The following GPR132 variants were observed in gnomAD, a reference collection of about 807,000 sequenced individuals.
GPR132 encodes the protein G protein-coupled receptor 132.
A neutral mutation model predicts 1.9 loss-of-function variants in GPR132; 4 were observed. That is an observed-to-expected ratio of 2.13 (90% confidence interval 1.05 to 4.87). The LOEUF is 4.87. GPR132 is among the 30% of genes most tolerant of loss of function. The pLI is 0.01. For synonymous variants in GPR132, 233 were observed against 234.2 expected, an observed-to-expected ratio of 0.99 and a Z score of 0.05; for missense variants, 404 against 512.5, an observed-to-expected ratio of 0.79 and a Z score of 2.04.
chr14:105,061,317 A>C (rs1380600614), intron 1 of GPR132, among the ~76,000 whole-genome samples: 2 of 152,240 alleles, frequency 1.3e-5, no homozygotes, highest in Non-Finnish European at 2.9e-5. Flanking sequence ...CCACAGCCTC[A>C]GGCAGCCCAC....
chr14:105,053,808 A>T, intron 3 of GPR132: 1 of 467,848 alleles, frequency 2.1e-6, no homozygotes, highest in Non-Finnish European at 2.9e-6. Flanking sequence ...GAAGGTTGCT[A>T]ACTAGCTGAC....
rs978952700 is a variant in GPR132, at chr14:105,056,764, C to A, written c.-747+403G>T. 3.5e-4 allele frequency among the ~76,000 whole-genome samples: 54 copies of A among 152,374 alleles called. No homozygotes were observed. Among genetic ancestry groups the A allele is most frequent in the African/African-American group, 1.2e-3 (48 of 41,594 alleles). ...TCCCCCGCCTCCTGCCACAAGTGAC[C>A]TCCTGGGAAGAGAGCCTTCCTGGTG... On this transcript the variant is annotated intron_variant, in intron 2 of 3. Transcript: ENST00000329797. The surrounding 1 kb of genome is among the most constrained non-coding windows in gnomAD (Gnocchi z 6.0).
rs1388106081 is a variant in GPR132, at chr14:105,059,208, T to C, written c.-860-1928A>G. Among the ~76,000 whole-genome samples, 2 of 152,188 alleles carry C rather than the reference T, an allele frequency of 1.3e-5. No homozygotes were observed. Among genetic ancestry groups the C allele is most frequent in the South Asian group, 2.1e-4 (1 of 4,828 alleles). On this transcript the variant is annotated intron_variant, in intron 1 of 3. Coordinates refer to ENST00000329797, the MANE Select transcript of GPR132 (RefSeq NM_013345.4). The surrounding 1 kb of genome is among the most constrained non-coding windows in gnomAD (Gnocchi z 4.2). Reference sequence around the variant, plus strand: ...CCCCTTTGGGCCCGAGGCCTGTATGTTGAGAGGCTGGCCAGGGGCACTCCC... The same window carrying C: ...CCCCTTTGGGCCCGAGGCCTGTATGCTGAGAGGCTGGCCAGGGGCACTCCC...
rs1480915274 is a variant in GPR132, at chr14:105,059,461, G to C, written c.-860-2181C>G. On this transcript the variant is annotated intron_variant, in intron 1 of 3. Coordinates refer to ENST00000329797, the MANE Select transcript of GPR132 (RefSeq NM_013345.4). The surrounding 1 kb of genome is among the most constrained non-coding windows in gnomAD (Gnocchi z 4.2). ...GGAACTGCTCAGCGCCGATCTGCCT[G>C]GCGTTCTATTCAGTCATCCCTCTGC... Among the ~76,000 whole-genome samples the C allele has an allele frequency of 1.3e-5, 2 of 152,144 alleles. No homozygotes were observed. Among genetic ancestry groups the C allele is most frequent in the African/African-American group, 4.8e-5 (2 of 41,412 alleles).
Position 105,051,897 on chromosome 14 carries a change from G to A in GPR132, c.240C>T (p.Tyr80=), listed in dbSNP as rs1886656884. The change falls in exon 4 of 4, where the codon TAC becomes TAT. Residue 80 remains tyrosine (Y), a synonymous_variant. Coordinates refer to ENST00000329797, the MANE Select transcript of GPR132 (RefSeq NM_013345.4). This position sits in a 1 kb window ranked among gnomAD's most constrained non-coding sequence, Gnocchi z 8.0. ...QVLQGNVLAV[Y]LLCLALCELL... ...GCTCGCAGAGTGCCAGGCAGAGCAG[G>A]TAGACGGCCAGCACGTTGCCCTGCA... 1.2e-6 allele frequency: 2 copies of A among 1,613,662 alleles called. No individual in the cohort carries two copies. Among genetic ancestry groups the A allele is most frequent in the South Asian group, 1.1e-5 (1 of 91,086 alleles).
intron 3 of GPR132, among the ~76,000 whole-genome samples, chr14:105,052,546 C>G (rs1051103996): frequency 2.0e-5 from 3 of 151,106 alleles, no homozygotes; most frequent in Non-Finnish European, 4.4e-5. Flanking sequence ...AGGCTGGTCT[C>G]GAATTCCTGA....
At chr14:105,062,540 C>CTTTTCT (rs1886972421) in intron 1 of GPR132, among the ~76,000 whole-genome samples, 2 of 128,684 alleles carry the variant, frequency 1.6e-5, no homozygotes, top group African/African-American at 5.9e-5. Flanking sequence ...CTTTTCTTTT[C>CTTTTCT]TTTTTTTTTT....
rs761285529 is a variant in GPR132, at chr14:105,055,384, T to C, written c.34+3A>G. ...GGCAAAATACACATAACAAGGAATT[T>C]ACCATTGTAACCGTTTTTCAGTAGC... On this transcript the variant is annotated splice_donor_region_variant and intron_variant, in intron 3 of 3. Transcript: ENST00000329797. This position sits in a 1 kb window ranked among gnomAD's most constrained non-coding sequence, Gnocchi z 4.7. 18 of 781,054 alleles carry C rather than the reference T, an allele frequency of 2.3e-5. No individual in the cohort carries two copies. The highest frequency in any genetic ancestry group is 6.8e-5 in the Admixed American group (4 of 59,030). The allele number at this position is 781,054 out of a possible 1,614,324, so 48.4% of individuals were successfully genotyped here. A position where few individuals can be genotyped will look rare whatever the true frequency, so the allele number is the denominator to read the frequency against.
chr14:105,055,314 G>A lies in GPR132; in HGVS notation c.34+73C>T, dbSNP rs1886760752. On this transcript the variant is annotated intron_variant, in intron 3 of 3. Coordinates refer to ENST00000329797, the MANE Select transcript of GPR132 (RefSeq NM_013345.4). This position sits in a 1 kb window ranked among gnomAD's most constrained non-coding sequence, Gnocchi z 4.7. ...TGCACTCCAGCCTGGGCGATAGAGT[G>A]AGACTCAATCGCAAGAAAAAAAAAT... 1.3e-6 allele frequency: 1 copy of A among 779,816 alleles called. No homozygotes were observed. The highest frequency in any genetic ancestry group is 1.7e-5 in the African/African-American group (1 of 59,236). The allele number at this position is 779,816 out of a possible 1,614,324, so 48.3% of individuals were successfully genotyped here. A position where few individuals can be genotyped will look rare whatever the true frequency, so the allele number is the denominator to read the frequency against.
At chr14:105,057,511 CTTTTTTTT>C (rs11299805) in intron 1 of GPR132, 12 of 88,856 alleles carry the variant, frequency 1.4e-4, no homozygotes, top group East Asian at 6.2e-4. Flanking sequence ...ACATACGATT[CTTTTTTTT>C]TTTTTTTTTT....
At chr14:105,061,077 C>A (rs1010984810) in intron 1 of GPR132, among the ~76,000 whole-genome samples, 1 of 152,266 alleles carries the variant, frequency 6.6e-6, no homozygotes, top group East Asian at 1.9e-4. Context: ...CACAGCCTGG[C>A]GAGGATGCCT....
Position 105,051,709 on chromosome 14 carries a change from G to A in GPR132, c.428C>T (p.Ala143Val), listed in dbSNP as rs1886649908. The change falls in exon 4 of 4, where the codon GCC becomes GTC. Residue 143 changes from alanine to valine, a missense_variant. Coordinates refer to ENST00000329797, the MANE Select transcript of GPR132 (RefSeq NM_013345.4). The surrounding 1 kb of genome is among the most constrained non-coding windows in gnomAD (Gnocchi z 8.0). ...CCGACTCTCCAGCGCGTACACCACG[G>A]CCACGAAGCGGTCGCAGGAGATGCA... ...LCCISCDRFV[A>V]VVYALESRGR... 1 of 1,613,922 alleles carries A rather than the reference G, an allele frequency of 6.2e-7. No individual in the cohort carries two copies. The highest frequency in any genetic ancestry group is 1.1e-5 in the South Asian group (1 of 91,088).
chr14:105,065,331 CCTGGCCCCCCAGGCCCA>C (rs1398514858), intron 1 of GPR132, 31 bp downstream of exon 1: 1 of 152,364 alleles, frequency 6.6e-6, no homozygotes, highest in Non-Finnish European at 1.5e-5. Context: ...CATCCCAGAG[CCTGGCCCCCCAGGCCCA>C]CTCCCCAGCA....
chr14:105,051,716 A>G lies in GPR132; in HGVS notation c.421T>C (p.Phe141Leu). 1 of 1,613,972 alleles carries G rather than the reference A, an allele frequency of 6.2e-7. No homozygotes were observed. ...LFLCCISCDR[F>L]VAVVYALESR... is the part of the protein sequence containing the mutation. ...TCCAGCGCGTACACCACGGCCACGA[A>G]GCGGTCGCAGGAGATGCAGCACAGG... Residue 141 changes from phenylalanine to leucine, a missense_variant, in exon 4 of 4, where the codon TTC becomes CTC. Coordinates refer to ENST00000329797, the MANE Select transcript of GPR132 (RefSeq NM_013345.4). The surrounding 1 kb of genome is among the most constrained non-coding windows in gnomAD (Gnocchi z 8.0).
In GPR132 at chr14:105,051,444, G is replaced by T; in HGVS notation, c.693C>A (p.Gly231=). 1 of 1,614,112 alleles carries T rather than the reference G, an allele frequency of 6.2e-7. No homozygotes were observed. Among genetic ancestry groups the T allele is most frequent in the Non-Finnish European group, 8.5e-7 (1 of 1,180,026 alleles). Residue 231 remains glycine (G), a synonymous_variant, in exon 4 of 4, where the codon GGC becomes GGA. Transcript: ENST00000329797. This position sits in a 1 kb window ranked among gnomAD's most constrained non-coding sequence, Gnocchi z 8.0. ...CCTTGGCCTTCTGGGCAGCGCTTAA[G>T]CCCATGCTCTGCTTGATGCTCCTGA... ...RIFRSIKQSM[G]LSAAQKAKVK...
At chr14:105,064,331 G>C (rs936062245) in intron 1 of GPR132, among the ~76,000 whole-genome samples, 1 of 151,864 alleles carries the variant, frequency 6.6e-6, no homozygotes, top group African/African-American at 2.4e-5. Context: ...CCCATCCAAA[G>C]CCCATTGTCA....
At chr14:105,057,452 A>G in intron 1 of GPR132, 172 bp from the exon 2 acceptor site, 1 of 445,442 alleles carries the variant, frequency 2.2e-6, no homozygotes, top group Non-Finnish European at 4.0e-6. Context: ...AAACACAAGC[A>G]AGGCTCCAAG....
At chr14:105,065,049 C>T (rs1385819614) in intron 1 of GPR132, among the ~76,000 whole-genome samples, 1 of 152,032 alleles carries the variant, frequency 6.6e-6, no homozygotes, top group Non-Finnish European at 1.5e-5. Context: ...AAGTCCAGCC[C>T]CCTGACTCAC....
chr14:105,061,736 C>T (rs1419556952), intron 1 of GPR132, among the ~76,000 whole-genome samples: 1 of 152,084 alleles, frequency 6.6e-6, no homozygotes, highest in East Asian at 1.9e-4. Context: ...GCAGGCACCA[C>T]CCTCCTGGGG....
Sources: gnomAD v4.1 joint callset for allele counts (sites outside exome capture counted in the v4.1 genomes callset) on GRCh38, gnomAD v4.1.1 for gene constraint, Gnocchi (gnomAD v3.1) non-coding constraint, MANE v1.5 for transcripts, NCBI Gene and HGNC (gene_info 2026-07-23, HGNC 2026-07-21) for gene names.